Variants in SOX6 observed in about 807,000 individuals in gnomAD.
SOX6 encodes transcription factor SOX-6.
A neutral mutation model predicts 97.8 loss-of-function variants in SOX6; 11 were observed. The ratio of observed to expected loss-of-function variants is 0.11; its 90% CI spans 0.07 to 0.19. The LOEUF (loss-of-function observed/expected upper bound fraction) is 0.19. Ranked by LOEUF, SOX6 falls within the 10% of genes least tolerant of loss-of-function variation. The pLI is 1.00. For missense variants in SOX6, 810 were observed against 1,039.5 expected (o/e 0.78, Z 3.04); for synonymous variants, 360 against 371.4 (o/e 0.97, Z 0.35).
At chr11:16,510,063 A>C (rs1457001763) in intron 4 of SOX6, among the ~76,000 whole-genome samples, 8 of 152,196 alleles carry the variant, frequency 5.3e-5, no homozygotes, top group African/African-American at 1.7e-4. Flanking sequence ...ATAATGAAGC[A>C]TGTGAAAGAT....
At chr11:16,307,485 C>T (rs994260118) in intron 3 of SOX6, among the ~76,000 whole-genome samples, 2 of 152,098 alleles carry the variant, frequency 1.3e-5, no homozygotes, top group Non-Finnish European at 2.9e-5. Flanking sequence ...AAAAATAGTT[C>T]CAAAACATGT....
At chr11:16,027,535 A>T (rs185844373) in intron 12 of SOX6, among the ~76,000 whole-genome samples, 3 of 152,346 alleles carry the variant, frequency 2.0e-5, no homozygotes, top group Non-Finnish European at 4.4e-5. Flanking sequence ...AGAGACACAG[A>T]AATGAGTCAG....
At chr11:16,653,434 A>T (rs757954667) in intron 3 of SOX6, among the ~76,000 whole-genome samples, 10 of 152,184 alleles carry the variant, frequency 6.6e-5, no homozygotes, top group Non-Finnish European at 1.3e-4. Flanking sequence ...TGGAATAACG[A>T]CTTAGCCAAA....
intron 11 of SOX6, among the ~76,000 whole-genome samples, chr11:16,047,900 T>A (rs1855885262): frequency 6.6e-6 from 1 of 152,100 alleles, no homozygotes; most frequent in South Asian, 2.1e-4. Flanking sequence ...CACTTTTTGG[T>A]CCCACAGCTT....
chr11:16,073,629 A>G (rs1193534472), intron 9 of SOX6, among the ~76,000 whole-genome samples: 1 of 152,202 alleles, frequency 6.6e-6, no homozygotes, highest in Non-Finnish European at 1.5e-5. Flanking sequence ...ACAAAAAAAC[A>G]GAATATACAT....
intron 12 of SOX6, among the ~76,000 whole-genome samples, chr11:16,033,445 G>A (rs1458699224): frequency 6.6e-6 from 1 of 152,102 alleles, no homozygotes; most frequent in African/African-American, 2.4e-5. Flanking sequence ...CGATTTCAAA[G>A]GCTCCTGTTC....
chr11:15,968,676 T>G lies in SOX6; in HGVS notation c.*4133A>C, dbSNP rs1853209978. ...CAGCCCTAGAGTGATCACGCCCTTT[T>G]CAAACACCCTCAGGCTCCCGTGGGG... On this transcript the variant is annotated 3_prime_UTR_variant, in exon 16 of 16. Transcript: ENST00000683767. 6.6e-6 allele frequency: 1 copy of G among 152,188 alleles called. No homozygotes were observed. The highest frequency in any genetic ancestry group is 1.5e-5 in the Non-Finnish European group (1 of 68,056). The allele number at this position is 152,188 out of a possible 1,614,324, so 9.4% of individuals were successfully genotyped here.
intron 9 of SOX6, among the ~76,000 whole-genome samples, chr11:16,067,493 A>T (rs1167015886): frequency 1.3e-5 from 2 of 151,632 alleles, no homozygotes; most frequent in East Asian, 3.9e-4. Flanking sequence ...CTCCTCCTTC[A>T]CCTTCTGCCA....
intron 6 of SOX6, among the ~76,000 whole-genome samples, chr11:16,154,339 C>A (rs528075535): frequency 4.6e-5 from 7 of 151,962 alleles, no homozygotes; most frequent in African/African-American, 7.3e-5. Flanking sequence ...AGAATAATAA[C>A]CCCCCTAATT....
chr11:16,645,536 T>G (rs1389618868), intron 3 of SOX6, among the ~76,000 whole-genome samples: 1 of 152,176 alleles, frequency 6.6e-6, no homozygotes, highest in African/African-American at 2.4e-5. Flanking sequence ...TGATTGCAGA[T>G]GTAATGAGTT....
At chr11:16,042,415 G>T (rs762347547) in intron 12 of SOX6, among the ~76,000 whole-genome samples, 2 of 152,162 alleles carry the variant, frequency 1.3e-5, no homozygotes, top group African/African-American at 4.8e-5. Flanking sequence ...AGAAAGCAGG[G>T]AGCTAAATGC....
At chr11:16,576,691 G>A (rs149328090) in intron 4 of SOX6, among the ~76,000 whole-genome samples, 108 of 152,198 alleles carry the variant, frequency 7.1e-4, no homozygotes, top group African/African-American at 2.5e-3. Flanking sequence ...AAGACTTGGA[G>A]TTTTTCAGAT....
At chr11:16,647,471 T>G (rs1034325168) in intron 3 of SOX6, among the ~76,000 whole-genome samples, 2 of 152,092 alleles carry the variant, frequency 1.3e-5, no homozygotes, top group Non-Finnish European at 2.9e-5. Flanking sequence ...AAAGGCAACT[T>G]CTGGAGAAGC....
intron 3 of SOX6, among the ~76,000 whole-genome samples, chr11:16,297,519 C>T (rs1283432064): frequency 6.6e-6 from 1 of 152,076 alleles, no homozygotes; most frequent in Non-Finnish European, 1.5e-5. Context: ...CCCCACAAGG[C>T]GACATGAGGT....
chr11:16,691,370 G>A (rs1848011758), intron 3 of SOX6, among the ~76,000 whole-genome samples: 1 of 152,170 alleles, frequency 6.6e-6, no homozygotes, highest in African/African-American at 2.4e-5. Flanking sequence ...TTTCCATTAG[G>A]GAGAATTCAC....
At chr11:16,364,097 T>C (rs1288759321) in intron 1 of SOX6, among the ~76,000 whole-genome samples, 1 of 152,138 alleles carries the variant, frequency 6.6e-6, no homozygotes, top group Non-Finnish European at 1.5e-5. Flanking sequence ...AAATTAACTA[T>C]AAAGAATTTT....
At chr11:16,303,533 T>G (rs1855329596) in intron 3 of SOX6, among the ~76,000 whole-genome samples, 2 of 152,238 alleles carry the variant, frequency 1.3e-5, no homozygotes, top group African/African-American at 4.8e-5. Flanking sequence ...ATAGTATGCC[T>G]TAATACAGTA....
At chr11:16,267,909 T>C (rs993084284) in intron 3 of SOX6, among the ~76,000 whole-genome samples, 8 of 151,348 alleles carry the variant, frequency 5.3e-5, no homozygotes, top group South Asian at 2.1e-4. Context: ...ATGGATGGAA[T>C]TGGAGAACAT....
intron 4 of SOX6, among the ~76,000 whole-genome samples, chr11:16,194,399 T>A (rs1203654442): frequency 6.6e-6 from 1 of 152,224 alleles, no homozygotes; most frequent in African/African-American, 2.4e-5. Flanking sequence ...TGCTCCCATA[T>A]GCTACTGTCC....
Sources: allele counts gnomAD v4.1 joint callset (sites outside exome capture counted in the v4.1 genomes callset), GRCh38; gene constraint gnomAD v4.1.1; transcripts MANE v1.5; gene names NCBI Gene and HGNC (gene_info 2026-07-23, HGNC 2026-07-21).